The following HSPA4L variants were observed in gnomAD, a reference collection of about 807,000 sequenced individuals.
HSPA4L encodes the protein heat shock protein family A (Hsp70) member 4 like.
HSPA4L carries 48 observed loss-of-function variants against 100.3 expected under a neutral mutation model. The observed-to-expected ratio is 0.48, with a 90% confidence interval of 0.38 to 0.61. The LOEUF is 0.61. Ranked by LOEUF, HSPA4L falls within the 20% of genes least tolerant of loss-of-function variation. The probability of loss-of-function intolerance (pLI) is 0.00; values close to 1 mark genes in which losing one functional copy is unlikely to be tolerated. For synonymous variants in HSPA4L, 319 were observed against 328.2 expected (o/e 0.97, Z 0.30); for missense variants, 886 against 988.6 (o/e 0.90, Z 1.39).
upstream of HSPA4L, chr4:127,782,044 G>T (rs557925318): frequency 2.2e-6 from 1 of 454,960 alleles, no homozygotes; most frequent in East Asian, 7.0e-5. Context: ...ACTGCCGAGC[G>T]AGGGCGAGCA....
chr4:127,805,580 A>C, intron 9 of HSPA4L, 107 bp from the exon 10 acceptor site: 1 of 762,436 alleles, frequency 1.3e-6, no homozygotes, highest in South Asian at 2.9e-5. Flanking sequence ...GTAACTTTTA[A>C]AATGTAACAG....
intron 18 of HSPA4L, among the ~76,000 whole-genome samples, chr4:127,831,852 TTTTC>T (rs1734092388): frequency 6.6e-6 from 1 of 152,030 alleles, no homozygotes; most frequent in Non-Finnish European, 1.5e-5. Flanking sequence ...ATGTGATTTT[TTTTC>T]TTTTTTTTTA....
At position 127,833,056 on chromosome 4, in the gene HSPA4L, T is replaced by C. The variant is rs1734127338; in HGVS notation, c.*182T>C. 2 of 444,664 alleles carry C rather than the reference T, an allele frequency of 4.5e-6. No individual in the cohort carries two copies. The highest frequency in any genetic ancestry group is 1.3e-4 in the South Asian group (2 of 15,880). The allele number at this position is 444,664 out of a possible 1,614,324, so 27.5% of individuals were successfully genotyped here. On this transcript the variant is annotated 3_prime_UTR_variant, in exon 19 of 19. Transcript: ENST00000296464. Reference sequence around the variant, plus strand: ...TTCTGTTCATTTCCATTGCTGCTTATATGCAGTGTTAGCCGAATTAGATTT... The same window carrying C: ...TTCTGTTCATTTCCATTGCTGCTTACATGCAGTGTTAGCCGAATTAGATTT...
Position 127,827,832 on chromosome 4 carries a change from G to GT in HSPA4L, c.2166+410dup, listed in dbSNP as rs1456752246. Reference sequence around the variant, plus strand: ...TGTTTCTTGGCTTATTTTTCTTTTAGTTGCTTTTTGTCCTCCAGTCCATTA... The same window carrying GT: ...TGTTTCTTGGCTTATTTTTCTTTTAGTTTGCTTTTTGTCCTCCAGTCCATTA... On this transcript the variant is annotated intron_variant, in intron 17 of 18. Transcript: ENST00000296464. Among the ~76,000 whole-genome samples, 7 of 151,810 alleles carry GT rather than the reference G, an allele frequency of 4.6e-5. No homozygotes were observed. The East Asian group carries it at 1.4e-3, about 29-fold the overall frequency.
intron 6 of HSPA4L, 102 bp from the exon 7 acceptor site, chr4:127,803,527 C>T (rs1315127763): frequency 2.5e-5 from 30 of 1,187,828 alleles, no homozygotes; most frequent in South Asian, 5.8e-5. Flanking sequence ...GTTTTTTTAG[C>T]GTCATTTTTA....
chr4:127,826,151 A>G (rs1158923674), intron 16 of HSPA4L, among the ~76,000 whole-genome samples: 1 of 152,162 alleles, frequency 6.6e-6, no homozygotes, highest in Non-Finnish European at 1.5e-5. Context: ...TCACACCTGT[A>G]ATGTTGGCAC....
In HSPA4L at chr4:127,833,075, T is replaced by G. The variant is rs529630583; in HGVS notation, c.*201T>G. The G allele has an allele frequency of 3.4e-5, 14 of 405,822 alleles. No individual in the cohort carries two copies. In the Admixed American group the frequency reaches 5.7e-4, roughly 16 times the overall value. The allele number at this position is 405,822 out of a possible 1,614,324, so 25.1% of individuals were successfully genotyped here. ...TGCTTATATGCAGTGTTAGCCGAATTAGATTTACAAGACAATCTAAGCTTT... is the reference window on the plus strand; with the variant it reads ...TGCTTATATGCAGTGTTAGCCGAATGAGATTTACAAGACAATCTAAGCTTT... On this transcript the variant is annotated 3_prime_UTR_variant, in exon 19 of 19. Coordinates refer to ENST00000296464, the MANE Select transcript of HSPA4L (RefSeq NM_014278.4).
chr4:127,831,491 C>A (rs898258237), intron 18 of HSPA4L, among the ~76,000 whole-genome samples: 4 of 136,610 alleles, frequency 2.9e-5, no homozygotes, highest in Admixed American at 7.8e-5. Context: ...CAGAGCAAGA[C>A]CTTGTCTATT....
chr4:127,809,412 A>G (rs1733463799), intron 11 of HSPA4L: 4 of 1,248,846 alleles, frequency 3.2e-6, no homozygotes, highest in Non-Finnish European at 4.7e-6. Flanking sequence ...TGGATACTTC[A>G]TAACTCAAGA....
chr4:127,803,828 T>C lies in HSPA4L; in HGVS notation c.863T>C (p.Ile288Thr), dbSNP rs1023302493. The change falls in exon 7 of 19, where the codon ATT becomes ACT. Residue 288 changes from isoleucine to threonine, a missense_variant. By Grantham distance (89) the Ile-to-Thr change is moderately conservative. Transcript: ENST00000296464. ...AATGCATCAGATCTTCCATTGAACA[T>C]TGAGTGTTTCATGAATGACCTTGAT... ...SANASDLPLN[I>T]ECFMNDLDVS... 5.0e-6 allele frequency: 8 copies of C among 1,613,704 alleles called. No individual in the cohort carries two copies. Among genetic ancestry groups the C allele is most frequent in the Middle Eastern group, 3.3e-4 (2 of 6,082 alleles).
rs1734057960 is a variant in HSPA4L at position 127,830,683 on chromosome 4, G to GA, written c.2217dup (p.Cys740MetfsTer4). 2 of 1,607,232 alleles carry GA rather than the reference G, an allele frequency of 1.2e-6. No individual in the cohort carries two copies. Among genetic ancestry groups the GA allele is most frequent in the Non-Finnish European group, 1.7e-6 (2 of 1,177,102 alleles). On this transcript the variant is annotated frameshift_variant, in exon 18 of 19. Transcript: ENST00000296464. LOFTEE classifies it high-confidence loss of function. Reference sequence around the variant, plus strand: ...GGATCCTACTGAAATGGAAAAGGTTGAAAAATGTATCAGTGATGCCATGAG... The same window carrying GA: ...GGATCCTACTGAAATGGAAAAGGTTGAAAAAATGTATCAGTGATGCCATGAG...
Position 127,828,977 on chromosome 4 carries a change from T to C in HSPA4L, c.2166+1553T>C, listed in dbSNP as rs562450872. Among the ~76,000 whole-genome samples, 142 of 152,260 alleles carry C rather than the reference T, an allele frequency of 9.3e-4. 2 individuals carry two copies. The highest frequency in any genetic ancestry group is 3.2e-3 in the African/African-American group (135 of 41,568). ...CTGAACTATATTGTCAAACAAAACA[T>C]TGAACTTGTTTTTAATATGCTTCAA... On this transcript the variant is annotated intron_variant, in intron 17 of 18. Coordinates refer to ENST00000296464, the MANE Select transcript of HSPA4L (RefSeq NM_014278.4).
chr4:127,809,191 C>T, intron 11 of HSPA4L: 1 of 1,077,422 alleles, frequency 9.3e-7, no homozygotes, highest in African/African-American at 1.6e-5. Flanking sequence ...CTCTTCAGGA[C>T]AAGGTTTTCA....
intron 11 of HSPA4L, chr4:127,809,188 G>C: frequency 9.4e-7 from 1 of 1,060,364 alleles, no homozygotes; most frequent in Non-Finnish European, 1.5e-6. Flanking sequence ...AAACTCTTCA[G>C]GACAAGGTTT....
chr4:127,823,232 TCTA>T (rs776932454), intron 15 of HSPA4L, among the ~76,000 whole-genome samples: 3 of 152,176 alleles, frequency 2.0e-5, no homozygotes, highest in Non-Finnish European at 4.4e-5. Flanking sequence ...CACTGCAACT[TCTA>T]CTTCCCGGGC....
intron 11 of HSPA4L, chr4:127,809,055 T>C (rs1011121878): frequency 3.8e-6 from 2 of 529,426 alleles, no homozygotes; most frequent in Non-Finnish European, 3.4e-6. Context: ...TATTACTGGA[T>C]TAATATGAAG....
chr4:127,786,447 T>A (rs934255014), intron 1 of HSPA4L, among the ~76,000 whole-genome samples: 13 of 152,208 alleles, frequency 8.5e-5, no homozygotes, highest in South Asian at 4.1e-4. Flanking sequence ...CTATCTTTTT[T>A]AAAAACATTA....
Position 127,808,439 on chromosome 4 carries a change from A to G in HSPA4L, c.1378+310A>G, listed in dbSNP as rs544881629. On this transcript the variant is annotated intron_variant, in intron 11 of 18. Coordinates refer to ENST00000296464, the MANE Select transcript of HSPA4L (RefSeq NM_014278.4). ...TTTCTTGTCATTAATACATGTAACA[A>G]CTACTGACATACCATTTATTTTGTA... is the stretch of plus-strand genomic sequence containing the variant. 2.0e-5 allele frequency among the ~76,000 whole-genome samples: 3 copies of G among 152,288 alleles called. No homozygotes were observed. The East Asian group carries it at 5.8e-4, about 29-fold the overall frequency.
At chr4:127,830,220 C>G (rs1734044619) in intron 17 of HSPA4L, among the ~76,000 whole-genome samples, 1 of 149,158 alleles carries the variant, frequency 6.7e-6, no homozygotes, top group Non-Finnish European at 1.5e-5. Context: ...TGCAGTTTCT[C>G]TTCTTCAGAA....
Sources: allele counts gnomAD v4.1 joint callset (sites outside exome capture counted in the v4.1 genomes callset), GRCh38; gene constraint gnomAD v4.1.1; transcripts MANE v1.5; gene names NCBI Gene and HGNC (gene_info 2026-07-23, HGNC 2026-07-21).